Variants in MYO1D observed in about 807,000 individuals in gnomAD.
The protein encoded by MYO1D is unconventional myosin-Id.
A neutral mutation model predicts 122.0 loss-of-function variants in MYO1D; 83 were observed. The observed-to-expected ratio is 0.68, with a 90% CI of 0.57 to 0.82. The LOEUF is 0.82. Among genes scored for constraint, MYO1D ranks in the 40% least tolerant of loss-of-function variants. MYO1D has a pLI of 0.00. For synonymous variants in MYO1D, 464 were observed against 446.9 expected (o/e 1.04, Z -0.48); for missense variants, 1,157 against 1,269.5 (o/e 0.91, Z 1.35).
At chr17:32,567,821 G>A (rs547277363) in intron 21 of MYO1D, among the ~76,000 whole-genome samples, 1 of 152,268 alleles carries the variant, frequency 6.6e-6, no homozygotes, top group Non-Finnish European at 1.5e-5. Flanking sequence ...GCTGTGTCCG[G>A]GTAGTTCAGT....
chr17:32,770,539 GATGAACTAGAAATAAA>G (rs1409556928), intron 6 of MYO1D, among the ~76,000 whole-genome samples: 12 of 152,010 alleles, frequency 7.9e-5, no homozygotes, highest in Admixed American at 2.6e-4. Flanking sequence ...AAAATTACTA[GATGAACTAGAAATAAA>G]ATGAACTAGA....
At chr17:32,642,227 G>A (rs1415132562) in intron 19 of MYO1D, among the ~76,000 whole-genome samples, 2 of 152,320 alleles carry the variant, frequency 1.3e-5, no homozygotes, top group Admixed American at 1.3e-4. Flanking sequence ...GTTTGTCAAA[G>A]ATCAGATAGT....
intron 21 of MYO1D, among the ~76,000 whole-genome samples, chr17:32,507,418 A>C (rs992657979): frequency 5.3e-5 from 8 of 152,006 alleles, no homozygotes; most frequent in African/African-American, 1.2e-4. Flanking sequence ...AAACTCCCCC[A>C]AAAACAAAAA....
chr17:32,503,817 T>C (rs534939402), intron 21 of MYO1D, among the ~76,000 whole-genome samples: 2 of 152,340 alleles, frequency 1.3e-5, no homozygotes, highest in East Asian at 3.9e-4. Flanking sequence ...CTGCAGCTGT[T>C]TACTCTGTGT....
At chr17:32,534,101 T>A (rs1225730956) in intron 21 of MYO1D, among the ~76,000 whole-genome samples, 5 of 152,118 alleles carry the variant, frequency 3.3e-5, no homozygotes, top group Non-Finnish European at 5.9e-5. Context: ...CTTTATAAAG[T>A]AATTTTTTAA....
rs114411410 is a variant in MYO1D, at chr17:32,574,834, C to T, written c.2864+30253G>A. On this transcript the variant is annotated intron_variant, in intron 21 of 21. Transcript: ENST00000318217. ...AACAGTGGTTTGCAGGGATCATGAG[C>T]TTTGAAGTCAGAAAAACTGGGTTTG... is the stretch of plus-strand genomic sequence containing the variant. Among the ~76,000 whole-genome samples, 477 of 152,304 alleles carry T rather than the reference C, an allele frequency of 3.1e-3. 2 individuals carry two copies. The highest frequency in any genetic ancestry group is 0.011 in the African/African-American group (459 of 41,566).
At chr17:32,512,757 CCTTT>C (rs1909738783) in intron 21 of MYO1D, 2 of 152,264 alleles carry the variant, frequency 1.3e-5, no homozygotes, top group Non-Finnish European at 2.9e-5. Context: ...GTCTCTCCTT[CCTTT>C]AATAACGTCC....
rs2150997607 is a variant in MYO1D at position 32,730,220 on chromosome 17, T to TAC, written c.1746+8032_1746+8033insGT. On this transcript the variant is annotated intron_variant, in intron 14 of 21. Coordinates refer to ENST00000318217, the MANE Select transcript of MYO1D (RefSeq NM_015194.3). ...GTTAGAAAATTTTCACATGTATTTT[T>TAC]AACTCATCAGAGTTGAACGTTAAAC... Among the ~76,000 whole-genome samples the TAC allele has an allele frequency of 2.0e-5, 3 of 152,142 alleles. 1 individual carries two copies. The South Asian group carries it at 6.2e-4, about 32-fold the overall frequency.
intron 16 of MYO1D, among the ~76,000 whole-genome samples, chr17:32,699,747 T>C (rs2089221676): frequency 6.6e-6 from 1 of 152,200 alleles, no homozygotes; most frequent in African/African-American, 2.4e-5. Context: ...TGACAAAATA[T>C]TGTTAATTGT....
chr17:32,523,610 C>T lies in MYO1D; in HGVS notation c.2865-28695G>A, dbSNP rs956817197. On this transcript the variant is annotated intron_variant, in intron 21 of 21. Transcript: ENST00000318217. ...AGGAGCTTTACAATCGAGTGCCAGT[C>T]CTAGCCTGGGCAACATGGAGAAACC... Among the ~76,000 whole-genome samples, 6 of 152,066 alleles carry T rather than the reference C, an allele frequency of 3.9e-5. No homozygotes were observed. The South Asian group carries it at 6.2e-4, about 16-fold the overall frequency.
chr17:32,507,282 T>C (rs1909533468), intron 21 of MYO1D, among the ~76,000 whole-genome samples: 1 of 151,954 alleles, frequency 6.6e-6, no homozygotes, highest in African/African-American at 2.4e-5. Context: ...CAGACGCCTA[T>C]AGTTCCAGCT....
chr17:32,761,591 TC>T (rs1396949612), intron 8 of MYO1D, among the ~76,000 whole-genome samples: 1 of 152,180 alleles, frequency 6.6e-6, no homozygotes, highest in Non-Finnish European at 1.5e-5. Flanking sequence ...CTGGTCCTCT[TC>T]TCTTCACTCT....
At position 32,537,250 on chromosome 17, in the gene MYO1D, T is replaced by A. The variant is rs530598577; in HGVS notation, c.2865-42335A>T. Among the ~76,000 whole-genome samples, 6 of 152,358 alleles carry A rather than the reference T, an allele frequency of 3.9e-5. No homozygotes were observed. The East Asian group carries it at 1.2e-3, about 29-fold the overall frequency. ...CCCAAGATATGAGGGCCACGATTTA[T>A]TCTTCTATATCAGGGGCTGGGAAAC... On this transcript the variant is annotated intron_variant, in intron 21 of 21. Coordinates refer to ENST00000318217, the MANE Select transcript of MYO1D (RefSeq NM_015194.3).
intron 1 of MYO1D, among the ~76,000 whole-genome samples, chr17:32,832,274 A>G (rs11080191): frequency 0.46 from 69,346 of 149,912 alleles, 16,124 homozygotes; most frequent in East Asian, 0.54. Context: ...ACCACACCTG[A>G]CTAATTTTTT....
At chr17:32,734,571 T>C (rs1381871978) in intron 14 of MYO1D, among the ~76,000 whole-genome samples, 1 of 152,246 alleles carries the variant, frequency 6.6e-6, no homozygotes, top group African/African-American at 2.4e-5. Context: ...AATGGATCAC[T>C]TTAGCAGTAT....
At chr17:32,698,847 T>TA (rs552467852) in intron 16 of MYO1D, among the ~76,000 whole-genome samples, 22 of 152,068 alleles carry the variant, frequency 1.4e-4, no homozygotes, top group Non-Finnish European at 1.9e-4. Flanking sequence ...AATCCAATAA[T>TA]AAAAAATGCA....
intron 21 of MYO1D, among the ~76,000 whole-genome samples, chr17:32,561,618 A>G: frequency 6.7e-6 from 1 of 148,206 alleles, no homozygotes; most frequent in Admixed American, 6.8e-5. Context: ...TGAACCCAGG[A>G]GGAGGAGGTT....
chr17:32,525,692 A>T (rs1265367556), intron 21 of MYO1D, among the ~76,000 whole-genome samples: 1 of 152,104 alleles, frequency 6.6e-6, no homozygotes, highest in African/African-American at 2.4e-5. Context: ...TGGGGCCGAG[A>T]GACACTGCAG....
intron 16 of MYO1D, among the ~76,000 whole-genome samples, chr17:32,664,074 A>G (rs1175428766): frequency 6.6e-6 from 1 of 152,190 alleles, no homozygotes; most frequent in Non-Finnish European, 1.5e-5. Flanking sequence ...TTATATCACC[A>G]ACTTTATGAG....
Sources: gnomAD v4.1 joint callset for allele counts (sites outside exome capture counted in the v4.1 genomes callset) on GRCh38, gnomAD v4.1.1 for gene constraint, MANE v1.5 for transcripts, NCBI Gene and HGNC (gene_info 2026-07-23, HGNC 2026-07-21) for gene names.